Variants in ZNHIT3 observed in about 807,000 individuals in gnomAD.
ZNHIT3 encodes zinc finger HIT-type containing 3.
In ZNHIT3, 27 loss-of-function variants were observed where a neutral mutation model predicts 19.9. That is an observed-to-expected ratio of 1.36 (90% confidence interval 1.00 to 1.87). The LOEUF is 1.87. Ranked by LOEUF, ZNHIT3 falls within the 40% of genes most tolerant of loss-of-function variation. ZNHIT3 has a pLI of 0.00. For missense variants in ZNHIT3, 215 were observed against 185.6 expected, an observed-to-expected ratio of 1.16 and a Z score of -0.92; for synonymous variants, 81 against 65.7, an observed-to-expected ratio of 1.23 and a Z score of -1.13.
At chr17:36,493,186 C>T in intron 3 of ZNHIT3, 1 of 491,578 alleles carries the variant, frequency 2.0e-6, no homozygotes, top group Non-Finnish European at 3.6e-6. Context: ...CAGGAGCCTT[C>T]TCTAGCCCAT....
intron 4 of ZNHIT3, 55 bp from the exon 5 acceptor site, chr17:36,495,168 T>G: frequency 2.0e-6 from 3 of 1,516,146 alleles, no homozygotes; most frequent in Non-Finnish European, 2.6e-6. Context: ...TTTTCAGCCA[T>G]CTCCATGTGT....
intron 3 of ZNHIT3, among the ~76,000 whole-genome samples, 191 bp from the exon 4 acceptor site, chr17:36,493,735 C>G (rs1387539141): frequency 6.6e-6 from 1 of 152,210 alleles, no homozygotes; most frequent in African/African-American, 2.4e-5. Context: ...CTTAGCCTCC[C>G]TCTTCTAAAA....
chr17:36,495,504 A>G lies in ZNHIT3; in HGVS notation c.*100A>G, dbSNP rs535095782. 2,416 of 1,409,406 alleles carry G rather than the reference A, an allele frequency of 1.7e-3. 3 individuals carry two copies. The highest frequency in any genetic ancestry group is 2.1e-3 in the Non-Finnish European group (2,248 of 1,084,346). 87.3% of individuals were successfully genotyped at this position (1,409,406 alleles called of 1,614,324 possible). On this transcript the variant is annotated 3_prime_UTR_variant, in exon 5 of 5. Coordinates refer to ENST00000617429, the MANE Select transcript of ZNHIT3 (RefSeq NM_004773.4). ...TAGTTTGGGGCTGGGGAGCTCAGGC[A>G]AAAGAGGTTTCCAGGATGCAGATTA...
chr17:36,498,369 A>G (rs768830269), downstream of ZNHIT3: 1 of 1,614,012 alleles, frequency 6.2e-7, no homozygotes, highest in South Asian at 1.1e-5. Context: ...AGCCCAGACC[A>G]CTAATTTCCT....
intron 3 of ZNHIT3, 62 bp downstream of exon 3, chr17:36,492,961 AG>A: frequency 6.8e-7 from 1 of 1,462,136 alleles, no homozygotes; most frequent in Non-Finnish European, 9.6e-7. Context: ...TCGAAGGAAA[AG>A]GGGAGAGTGG....
chr17:36,496,036 T>C (rs2070936639), downstream of ZNHIT3: 1 of 800,140 alleles, frequency 1.2e-6, no homozygotes, highest in Middle Eastern at 3.9e-4. Context: ...ATTTGGTAAC[T>C]ACCAGCCCTG....
At chr17:36,498,736 C>T (rs369117030), downstream of ZNHIT3, 12 of 662,918 alleles carry the variant, frequency 1.8e-5, no homozygotes, top group Middle Eastern at 8.4e-4. Context: ...CTATACACCC[C>T]AGGCAACTGT....
At chr17:36,498,507 T>C (rs1410897444), downstream of ZNHIT3, 4 of 1,613,934 alleles carry the variant, frequency 2.5e-6, no homozygotes, top group East Asian at 6.7e-5. Flanking sequence ...TTGAGAGAAG[T>C]GTTTTTCTTC....
intron 1 of ZNHIT3, 40 bp downstream of exon 1, chr17:36,486,825 C>G (rs776032979): frequency 2.9e-6 from 4 of 1,377,812 alleles, no homozygotes; most frequent in East Asian, 3.8e-5. Context: ...CGCGGGTGTC[C>G]GGCCATGGCG....
Position 36,495,470 on chromosome 17 carries a change from C to T in ZNHIT3, c.*66C>T, listed in dbSNP as rs888385570. On this transcript the variant is annotated 3_prime_UTR_variant, in exon 5 of 5. Coordinates refer to ENST00000617429, the MANE Select transcript of ZNHIT3 (RefSeq NM_004773.4). ...CCTGGAACCTGCCTGCTCCCTCTCC[C>T]AGACCAGCTAGTTTGGGGCTGGGGA... 3 of 1,480,172 alleles carry T rather than the reference C, an allele frequency of 2.0e-6. No individual in the cohort carries two copies. The highest frequency in any genetic ancestry group is 2.7e-6 in the Non-Finnish European group (3 of 1,118,204). 91.7% of individuals were successfully genotyped at this position (1,480,172 alleles called of 1,614,324 possible).
intron 2 of ZNHIT3, chr17:36,490,835 A>G (rs1398815228): frequency 6.6e-6 from 1 of 151,728 alleles, no homozygotes; most frequent in Non-Finnish European, 1.5e-5. Flanking sequence ...TGTCTTTTTT[A>G]TTTTTTTGCA....
At chr17:36,495,824 T>G (rs2070920205), downstream of ZNHIT3, 4 of 1,241,880 alleles carry the variant, frequency 3.2e-6, no homozygotes, top group East Asian at 1.2e-4. Flanking sequence ...AATACTAAAG[T>G]TTTGTTCCTT....
At chr17:36,499,276 T>C (rs2071286333), downstream of ZNHIT3, 1 of 686,028 alleles carries the variant, frequency 1.5e-6, no homozygotes, top group Non-Finnish European at 2.4e-6. Context: ...GTTTTTTTTT[T>C]TTCAATAAAT....
In ZNHIT3 at chr17:36,495,759, T is replaced by C. The variant is rs549401983; in HGVS notation, c.*355T>C. On this transcript the variant is annotated 3_prime_UTR_variant, in exon 5 of 5. Transcript: ENST00000617429. ...AATCAAAACGTGATTCTACTGTACA[T>C]TGCATTATTCATAATTTAATTGTTT... 2.4e-4 allele frequency: 295 copies of C among 1,245,190 alleles called. 1 individual carries two copies. The highest frequency in any genetic ancestry group is 2.1e-3 in the African/African-American group (138 of 64,808). The allele number at this position is 1,245,190 out of a possible 1,614,324, so 77.1% of individuals were successfully genotyped here. A position where few individuals can be genotyped will look rare whatever the true frequency, so the allele number is the denominator to read the frequency against.
chr17:36,495,676 T>A lies in ZNHIT3; in HGVS notation c.*272T>A. 1 of 1,271,404 alleles carries A rather than the reference T, an allele frequency of 7.9e-7. No individual in the cohort carries two copies. The allele number at this position is 1,271,404 out of a possible 1,614,324, so 78.8% of individuals were successfully genotyped here. A position where few individuals can be genotyped will look rare whatever the true frequency, so the allele number is the denominator to read the frequency against. On this transcript the variant is annotated 3_prime_UTR_variant, in exon 5 of 5. Coordinates refer to ENST00000617429, the MANE Select transcript of ZNHIT3 (RefSeq NM_004773.4). ...TTACTTTTGGTACAGTTGATAGACA[T>A]CATAAACGATATCAAGCTTACACTT...
Position 36,492,823 on chromosome 17 carries a change from C to T in ZNHIT3, c.129C>T (p.Asn43=), listed in dbSNP as rs778497631. The part of the protein sequence containing the change: ...VCFRKHKEQC[N]PETRPVEKKI... ...TTGTGTCTTTTTCAGAACAGTGCAA[C>T]CCTGAAACTCGTCCTGTTGAGAAAA... Residue 43 remains asparagine (N), a synonymous_variant, in exon 3 of 5, where the codon AAC becomes AAT. Transcript: ENST00000617429. The T allele has an allele frequency of 9.3e-6, 15 of 1,613,982 alleles. No individual in the cohort carries two copies. The highest frequency in any genetic ancestry group is 1.1e-5 in the South Asian group (1 of 91,076).
At chr17:36,495,894 A>C, downstream of ZNHIT3, 1 of 1,225,884 alleles carries the variant, frequency 8.2e-7, no homozygotes, top group Non-Finnish European at 1.0e-6. Flanking sequence ...ATTTTAGGCC[A>C]ACTTTGGCTG....
At chr17:36,496,405 C>A, downstream of ZNHIT3, 1 of 1,613,858 alleles carries the variant, frequency 6.2e-7, no homozygotes. Flanking sequence ...CTTTATCGAT[C>A]CCTAGAGGGG....
intron 2 of ZNHIT3, chr17:36,490,062 T>C (rs1003554344): frequency 6.6e-6 from 1 of 152,104 alleles, no homozygotes; most frequent in Non-Finnish European, 1.5e-5. Context: ...TATTGTTTCC[T>C]TTGTTGTACA....
Sources: allele counts gnomAD v4.1 joint callset (sites outside exome capture counted in the v4.1 genomes callset), GRCh38; gene constraint gnomAD v4.1.1; transcripts MANE v1.5; gene names NCBI Gene and HGNC (gene_info 2026-07-23, HGNC 2026-07-21).